The following FAM178B variants were observed in gnomAD, a reference collection of about 807,000 sequenced individuals.
FAM178B encodes the protein protein FAM178B.
A neutral mutation model predicts 91.7 loss-of-function variants in FAM178B; 82 were observed. That is an observed-to-expected ratio of 0.89 (90% CI 0.75 to 1.07). The LOEUF (loss-of-function observed/expected upper bound fraction) is 1.07. Among genes scored for constraint, FAM178B ranks in the 50% least tolerant of loss-of-function variants. The pLI, the probability that FAM178B is intolerant of heterozygous loss-of-function variation, is 0.00. For missense variants in FAM178B, 769 were observed against 846.7 expected, an observed-to-expected ratio of 0.91 and a Z score of 1.14; for synonymous variants, 368 against 359.4, an observed-to-expected ratio of 1.02 and a Z score of -0.27.
intron 13 of FAM178B, among the ~76,000 whole-genome samples, chr2:96,901,234 G>A (rs1338804094): frequency 1.3e-5 from 2 of 149,900 alleles, no homozygotes; most frequent in Admixed American, 6.7e-5. Flanking sequence ...GTGCAGTGGC[G>A]CGATCTCGGC....
chr2:96,876,431 G>A (rs1181928617), intron 16 of FAM178B, 123 bp from the exon 17 acceptor site: 7 of 1,229,138 alleles, frequency 5.7e-6, no homozygotes, highest in Non-Finnish European at 8.0e-6. Flanking sequence ...GGGGCCGAGT[G>A]AGCAGGATGC....
intron 1 of FAM178B, among the ~76,000 whole-genome samples, chr2:96,973,575 TAA>T (rs936171836): frequency 2.0e-5 from 3 of 152,178 alleles, no homozygotes; most frequent in Non-Finnish European, 1.5e-5. Context: ...GAAAGGCTAA[TAA>T]AGAGTCTAAT....
At chr2:96,882,918 C>T (rs2080422456) in intron 14 of FAM178B, among the ~76,000 whole-genome samples, 1 of 152,254 alleles carries the variant, frequency 6.6e-6, no homozygotes, top group South Asian at 2.1e-4. Flanking sequence ...AGTCTGAGGG[C>T]ATGCCCGGAC....
At chr2:96,881,777 C>G (rs1414636779) in intron 14 of FAM178B, among the ~76,000 whole-genome samples, 2 of 151,934 alleles carry the variant, frequency 1.3e-5, no homozygotes, top group Admixed American at 6.6e-5. Flanking sequence ...AAAACTATTC[C>G]GAGTGTTTGG....
intron 12 of FAM178B, among the ~76,000 whole-genome samples, chr2:96,920,818 G>A (rs2153370817): frequency 6.6e-6 from 1 of 151,262 alleles, no homozygotes; most frequent in East Asian, 1.9e-4. Context: ...TCGAGAGTGT[G>A]CGAGTGGGAG....
intron 4 of FAM178B, among the ~76,000 whole-genome samples, chr2:96,969,574 A>T (rs1331668824): frequency 6.6e-6 from 1 of 152,220 alleles, no homozygotes; most frequent in Non-Finnish European, 1.5e-5. Flanking sequence ...TGCCAGGCAC[A>T]CCGACAAGCA....
In FAM178B at chr2:96,902,660, C is replaced by T; in HGVS notation, c.1610G>A (p.Gly537Asp). The stretch of plus-strand genomic sequence containing the variant: ...CCAGAGAGGGAGCATCTCCTGCTGG[C>T]CCAGCATTCGAGCAATGACCACAAG... ...LSLVVIARML[G>D]QQEMLPLWQE... The change falls in exon 13 of 17, where the codon GGC (glycine) becomes GAC (aspartate). Residue 537 changes from glycine to aspartate, a missense_variant. Coordinates refer to ENST00000490605, the MANE Select transcript of FAM178B (RefSeq NM_001122646.3). The T allele has an allele frequency of 1.9e-6, 3 of 1,550,950 alleles. No homozygotes were observed. Among genetic ancestry groups the T allele is most frequent in the Non-Finnish European group, 2.6e-6 (3 of 1,146,648 alleles).
At chr2:96,894,113 C>T in intron 13 of FAM178B, 62 bp from the exon 14 acceptor site, 1 of 1,543,152 alleles carries the variant, frequency 6.5e-7, no homozygotes, top group East Asian at 2.4e-5. Flanking sequence ...CAGGGTGCTC[C>T]CGGGAATCGG....
In FAM178B at chr2:96,945,556, G is replaced by A. The variant is rs774628917; in HGVS notation, c.1078+2262C>T. Among the ~76,000 whole-genome samples, 14 of 151,914 alleles carry A rather than the reference G, an allele frequency of 9.2e-5. 1 individual carries two copies. The East Asian group carries it at 2.5e-3, about 27-fold the overall frequency. On this transcript the variant is annotated intron_variant, in intron 8 of 16. Coordinates refer to ENST00000490605, the MANE Select transcript of FAM178B (RefSeq NM_001122646.3). ...CACACACACACAAACACACACGTGC[G>A]CGCGCACACACAAATCATAGATACG...
intron 14 of FAM178B, among the ~76,000 whole-genome samples, chr2:96,891,519 C>T (rs2080679468): frequency 6.6e-6 from 1 of 150,844 alleles, no homozygotes; most frequent in Non-Finnish European, 1.5e-5. Context: ...AAACTGGATT[C>T]ATTCGTTCAC....
chr2:96,876,162 A>G lies in FAM178B; in HGVS notation c.*114T>C. 1 of 1,101,514 alleles carries G rather than the reference A, an allele frequency of 9.1e-7. No homozygotes were observed. The highest frequency in any genetic ancestry group is 1.3e-6 in the Non-Finnish European group (1 of 753,818). The allele number at this position is 1,101,514 out of a possible 1,614,324, so 68.2% of individuals were successfully genotyped here. A position where few individuals can be genotyped will look rare whatever the true frequency, so the allele number is the denominator to read the frequency against. Reference sequence around the variant, plus strand: ...GGCAGGGGCAGGCTCTTGCCTCATCAGGCTGGTCAGCATGTGGCCTCCTCT... The same window carrying G: ...GGCAGGGGCAGGCTCTTGCCTCATCGGGCTGGTCAGCATGTGGCCTCCTCT... On this transcript the variant is annotated 3_prime_UTR_variant, in exon 17 of 17. Transcript: ENST00000490605.
At chr2:96,905,072 G>A (rs1438774867) in intron 12 of FAM178B, among the ~76,000 whole-genome samples, 3 of 145,108 alleles carry the variant, frequency 2.1e-5, no homozygotes, top group African/African-American at 5.1e-5. Flanking sequence ...AATGCAAATG[G>A]CAAACTTCAG....
intron 14 of FAM178B, among the ~76,000 whole-genome samples, chr2:96,892,134 C>A (rs1284402654): frequency 2.6e-5 from 4 of 152,194 alleles, no homozygotes; most frequent in African/African-American, 9.7e-5. Context: ...GAGGAGTCAT[C>A]CGGCCGGGGT....
intron 6 of FAM178B, among the ~76,000 whole-genome samples, chr2:96,958,895 T>A (rs921123046): frequency 6.6e-6 from 1 of 151,590 alleles, no homozygotes; most frequent in Non-Finnish European, 1.5e-5. Flanking sequence ...TGTCTGAGGA[T>A]TTGCTTAAAA....
Position 96,986,263 on chromosome 2 carries a change from C to G in FAM178B, c.51G>C (p.Gln17His), listed in dbSNP as rs2082422371. The G allele has an allele frequency of 3.9e-6, 6 of 1,534,576 alleles. No homozygotes were observed. Among genetic ancestry groups the G allele is most frequent in the Non-Finnish European group, 4.4e-6 (5 of 1,146,788 alleles). The change falls in exon 1 of 17, where the codon CAG becomes CAC. Residue 17 changes from glutamine (Q) to histidine (H), a missense_variant. Transcript: ENST00000490605. ...GAGLAPQLRR[Q>H]DQRLHFTGQM... is the part of the protein sequence containing the mutation. ...TACCTGTAAAATGGAGCCGCTGATC[C>G]TGCCTCCTGAGTTGTGGAGCGAGGC...
intron 3 of FAM178B, 118 bp from the exon 4 acceptor site, chr2:96,970,895 T>A: frequency 1.3e-6 from 1 of 786,906 alleles, no homozygotes. Context: ...GAAAAGATAC[T>A]ATGTTTACAG....
At chr2:96,896,524 C>T (rs763268569) in intron 13 of FAM178B, among the ~76,000 whole-genome samples, 5 of 152,106 alleles carry the variant, frequency 3.3e-5, no homozygotes, top group Non-Finnish European at 7.4e-5. Flanking sequence ...AACACTCGGC[C>T]GCTTAGGGCA....
chr2:96,927,409 G>T (rs1466237940), intron 9 of FAM178B, among the ~76,000 whole-genome samples: 1 of 152,158 alleles, frequency 6.6e-6, no homozygotes, highest in East Asian at 1.9e-4. Context: ...GATGGGAAAT[G>T]GTGTCAACGC....
chr2:96,951,386 A>T lies in FAM178B; in HGVS notation c.986T>A (p.Leu329Gln). 1 of 1,550,548 alleles carries T rather than the reference A, an allele frequency of 6.4e-7. No individual in the cohort carries two copies. ...PDCPVSLLQW[L>Q]FQLLTWPPET... is the part of the protein sequence containing the mutation. ...CAGGCCTGCGGTCCTCACCTGGAAC[A>T]GCCACTGGAGCAGGGATACCGGGCA... The change falls in exon 7 of 17, where the codon CTG (leucine) becomes CAG (glutamine). Residue 329 changes from leucine (L) to glutamine (Q), a missense_variant. By Grantham distance (113) the Leu-to-Gln change is moderately radical. Transcript: ENST00000490605.
Sources: gnomAD v4.1 joint callset for allele counts (sites outside exome capture counted in the v4.1 genomes callset) on GRCh38, gnomAD v4.1.1 for gene constraint, MANE v1.5 for transcripts, NCBI Gene and HGNC (gene_info 2026-07-23, HGNC 2026-07-21) for gene names.